The following EXOC6B variants were observed in gnomAD, a reference collection of about 807,000 sequenced individuals.
EXOC6B encodes the protein exocyst complex component 6B.
EXOC6B carries 54 observed loss-of-function variants against 113.5 expected under a neutral mutation model. The observed-to-expected ratio is 0.48, with a 90% CI of 0.38 to 0.60. The LOEUF is 0.60. EXOC6B is among the 20% of genes least tolerant of loss of function. EXOC6B has a pLI of 0.00. For missense variants in EXOC6B, 797 were observed against 977.5 expected (o/e 0.82, Z 2.46); for synonymous variants, 357 against 339.0 (o/e 1.05, Z -0.58).
chr2:72,260,403 A>G (rs941035994), intron 20 of EXOC6B, among the ~76,000 whole-genome samples: 2 of 152,232 alleles, frequency 1.3e-5, no homozygotes, highest in Non-Finnish European at 2.9e-5. Context: ...AGTCGTATCC[A>G]GTTTTGATTG....
At position 72,416,050 on chromosome 2, in the gene EXOC6B, C is replaced by T. The variant is rs114101675; in HGVS notation, c.1981-36180G>A. ...CTTGCTAATGTTACACGTCAGCTGTCAGTCAAGCTGAAGATGCACCCCTCT... is the reference window on the plus strand; with the variant it reads ...CTTGCTAATGTTACACGTCAGCTGTTAGTCAAGCTGAAGATGCACCCCTCT... On this transcript the variant is annotated intron_variant, in intron 18 of 21. Coordinates refer to ENST00000272427, the MANE Select transcript of EXOC6B (RefSeq NM_015189.3). 4.2e-3 allele frequency among the ~76,000 whole-genome samples: 645 copies of T among 152,282 alleles called. 5 individuals are homozygous for T. The highest frequency in any genetic ancestry group is 0.014 in the African/African-American group (583 of 41,570).
chr2:72,584,735 C>T (rs996472215), intron 6 of EXOC6B, among the ~76,000 whole-genome samples: 2 of 152,080 alleles, frequency 1.3e-5, no homozygotes, highest in Non-Finnish European at 2.9e-5. Context: ...GAACATACTC[C>T]AAGATTGATC....
At chr2:72,586,603 T>C (rs1705592305) in intron 6 of EXOC6B, among the ~76,000 whole-genome samples, 1 of 151,812 alleles carries the variant, frequency 6.6e-6, no homozygotes, top group Non-Finnish European at 1.5e-5. Context: ...AATACAAAAA[T>C]TTGCTGGGCG....
At chr2:72,393,002 GC>G (rs1238745560) in intron 18 of EXOC6B, among the ~76,000 whole-genome samples, 1 of 152,034 alleles carries the variant, frequency 6.6e-6, no homozygotes, top group Non-Finnish European at 1.5e-5. Context: ...CCCAGAGTGT[GC>G]CCTATGCACC....
intron 6 of EXOC6B, among the ~76,000 whole-genome samples, chr2:72,616,739 G>A (rs911735613): frequency 6.6e-6 from 1 of 151,674 alleles, no homozygotes; most frequent in Admixed American, 6.6e-5. Context: ...GAGGCTACAA[G>A]ATGAGATCTG....
intron 20 of EXOC6B, among the ~76,000 whole-genome samples, chr2:72,268,923 CTCTTT>C (rs1463522894): frequency 1.3e-5 from 2 of 152,128 alleles, no homozygotes; most frequent in African/African-American, 2.4e-5. Flanking sequence ...CCAATTAAAC[CTCTTT>C]TCTTTATAAA....
chr2:72,316,784 T>C (rs974749080), intron 20 of EXOC6B, among the ~76,000 whole-genome samples: 1 of 152,108 alleles, frequency 6.6e-6, no homozygotes, highest in African/African-American at 2.4e-5. Flanking sequence ...CAAGAGCATT[T>C]GTAATGAAGG....
intron 7 of EXOC6B, among the ~76,000 whole-genome samples, chr2:72,564,092 G>A (rs1182875421): frequency 2.0e-5 from 3 of 152,068 alleles, no homozygotes; most frequent in East Asian, 3.9e-4. Flanking sequence ...CCTTAGAAAA[G>A]GGGAATACAC....
chr2:72,254,816 C>A (rs1334138774), intron 20 of EXOC6B, among the ~76,000 whole-genome samples: 1 of 152,156 alleles, frequency 6.6e-6, no homozygotes, highest in Non-Finnish European at 1.5e-5. Context: ...GAAAGTAGAG[C>A]TTGTAAGCAA....
intron 1 of EXOC6B, among the ~76,000 whole-genome samples, chr2:72,789,795 G>A (rs1338225531): frequency 1.3e-5 from 2 of 152,058 alleles, no homozygotes; most frequent in Non-Finnish European, 2.9e-5. Context: ...TTGAATCTAG[G>A]TGATTGTTCT....
intron 20 of EXOC6B, among the ~76,000 whole-genome samples, chr2:72,307,173 T>C (rs972588197): frequency 2.0e-5 from 3 of 151,114 alleles, no homozygotes; most frequent in South Asian, 2.1e-4. Context: ...TTTTTTTTTT[T>C]TGAGACGGAG....
At position 72,711,644 on chromosome 2, in the gene EXOC6B, G is replaced by T. The variant is rs138992982; in HGVS notation, c.669+6459C>A. On this transcript the variant is annotated intron_variant, in intron 6 of 21. Coordinates refer to ENST00000272427, the MANE Select transcript of EXOC6B (RefSeq NM_015189.3). ...TTAACCACAATAAATAATAATAAAT[G>T]ATAAAATAGAACAATTATAACCATA... Among the ~76,000 whole-genome samples, 796 of 152,092 alleles carry T rather than the reference G, an allele frequency of 5.2e-3. 8 individuals are homozygous for T. The highest frequency in any genetic ancestry group is 0.027 in the South Asian group (130 of 4,812).
At chr2:72,344,554 T>C (rs781539090) in intron 19 of EXOC6B, among the ~76,000 whole-genome samples, 4 of 152,168 alleles carry the variant, frequency 2.6e-5, no homozygotes, top group Admixed American at 2.6e-4. Context: ...GTGGCAACTT[T>C]GGAAAAAAAA....
intron 19 of EXOC6B, among the ~76,000 whole-genome samples, chr2:72,335,935 A>G (rs1437875226): frequency 6.6e-6 from 1 of 152,126 alleles, no homozygotes; most frequent in African/African-American, 2.4e-5. Flanking sequence ...ATATAAGGAC[A>G]AAAACTAGTA....
intron 2 of EXOC6B, among the ~76,000 whole-genome samples, chr2:72,735,193 C>G (rs924664640): frequency 6.6e-6 from 1 of 152,112 alleles, no homozygotes; most frequent in East Asian, 1.9e-4. Context: ...CATAATACTC[C>G]TAAATTCAGC....
At chr2:72,418,560 A>G (rs988808888) in intron 18 of EXOC6B, among the ~76,000 whole-genome samples, 16 of 152,164 alleles carry the variant, frequency 1.1e-4, no homozygotes, top group Non-Finnish European at 2.1e-4. Context: ...TTATTAATAT[A>G]CATTGTTTTT....
intron 18 of EXOC6B, among the ~76,000 whole-genome samples, chr2:72,407,741 A>G (rs1693881385): frequency 6.6e-6 from 1 of 152,196 alleles, no homozygotes; most frequent in South Asian, 2.1e-4. Context: ...ATCTATGACA[A>G]ACCCACAGCC....
chr2:72,324,223 G>A (rs1167725348), intron 20 of EXOC6B, among the ~76,000 whole-genome samples: 1 of 152,138 alleles, frequency 6.6e-6, no homozygotes, highest in Non-Finnish European at 1.5e-5. Flanking sequence ...CAAATGACTT[G>A]TAATTTGATT....
intron 18 of EXOC6B, among the ~76,000 whole-genome samples, chr2:72,448,657 C>A (rs898423890): frequency 2.6e-5 from 4 of 151,726 alleles, no homozygotes; most frequent in Non-Finnish European, 5.9e-5. Flanking sequence ...TAAGAATTAG[C>A]AAAAATGATT....
Sources: allele counts gnomAD v4.1 joint callset (sites outside exome capture counted in the v4.1 genomes callset), GRCh38; gene constraint gnomAD v4.1.1; transcripts MANE v1.5; gene names NCBI Gene and HGNC (gene_info 2026-07-23, HGNC 2026-07-21).